OTUD4: variants seen among roughly 807,000 people sequenced by gnomAD.
The protein encoded by OTUD4 is OTU deubiquitinase 4.
A neutral mutation model predicts 130.4 loss-of-function variants in OTUD4; 24 were observed. That is an observed-to-expected ratio of 0.18 (90% CI 0.13 to 0.26). The LOEUF (loss-of-function observed/expected upper bound fraction) is 0.26. OTUD4 is among the 10% of genes least tolerant of loss of function. The pLI is 1.00. For synonymous variants in OTUD4, 420 were observed against 472.5 expected, an observed-to-expected ratio of 0.89 and a Z score of 1.44; for missense variants, 1,031 against 1,329.4, an observed-to-expected ratio of 0.78 and a Z score of 3.49.
chr4:145,178,291 T>C (rs575335041), intron 1 of OTUD4: 1 of 152,314 alleles, frequency 6.6e-6, no homozygotes, highest in African/African-American at 2.4e-5. Flanking sequence ...CAATATAAAC[T>C]AGGACTCAAG....
Position 145,144,009 on chromosome 4 carries a change from A to G in OTUD4, c.1547-8T>C, listed in dbSNP as rs1478748692. On this transcript the variant is annotated splice_region_variant and splice_polypyrimidine_tract_variant and intron_variant, in intron 15 of 20. Transcript: ENST00000447906. ...TATGTCCATGAATAGAGTCTATAGC[A>G]GATCAAGATTAAAAAAGACAGCATA... 6.2e-7 allele frequency: 1 copy of G among 1,607,698 alleles called. No homozygotes were observed. Among genetic ancestry groups the G allele is most frequent in the East Asian group, 2.2e-5 (1 of 44,790 alleles).
At chr4:145,170,151 G>A (rs536085987) in intron 3 of OTUD4, among the ~76,000 whole-genome samples, 2 of 152,192 alleles carry the variant, frequency 1.3e-5, no homozygotes, top group Non-Finnish European at 2.9e-5. Flanking sequence ...CCTGATTCAG[G>A]TATGGAATAG....
Position 145,137,852 on chromosome 4 carries a change from C to A in OTUD4, c.2923G>T (p.Val975Leu), listed in dbSNP as rs1393980227. The A allele has an allele frequency of 3.1e-6, 5 of 1,614,008 alleles. No individual in the cohort carries two copies. Among genetic ancestry groups the A allele is most frequent in the African/African-American group, 1.3e-5 (1 of 74,914 alleles). ...TQILNRERET[V>L]PVELEPKRTI... ...CTTTTAGGTTCAAGTTCAACAGGCA[C>A]AGTTTCTCTCTCTCTGTTTAGAATC... The change falls in exon 21 of 21, where the codon GTG becomes TTG. Residue 975 changes from valine (V) to leucine (L), a missense_variant. Transcript: ENST00000447906.
intron 13 of OTUD4, among the ~76,000 whole-genome samples, chr4:145,149,244 A>T (rs1352457626): frequency 2.0e-5 from 3 of 152,152 alleles, no homozygotes; most frequent in East Asian, 3.9e-4. Flanking sequence ...TGCACCTACA[A>T]GCCAAGGAAC....
chr4:145,141,081 AT>A (rs1253369554), intron 19 of OTUD4, among the ~76,000 whole-genome samples: 3 of 149,872 alleles, frequency 2.0e-5, no homozygotes, highest in African/African-American at 7.4e-5. Flanking sequence ...AAGTGGGAGA[AT>A]TGTTTGAATC....
chr4:145,166,631 G>A (rs1313691088), intron 3 of OTUD4, among the ~76,000 whole-genome samples: 1 of 152,090 alleles, frequency 6.6e-6, no homozygotes, highest in Non-Finnish European at 1.5e-5. Flanking sequence ...CACGAGGTTG[G>A]GAGTTCAAGA....
intron 1 of OTUD4, 25 bp downstream of exon 1, chr4:145,179,790 G>GCC: frequency 8.5e-6 from 6 of 703,084 alleles, no homozygotes; most frequent in South Asian, 5.0e-5. Context: ...TCCCCTCGAA[G>GCC]CCCTCCCCGC....
In OTUD4 at chr4:145,136,476, G is replaced by GGGGGGGGGGGA. The variant is rs3063572; in HGVS notation, c.*953_*954insTCCCCCCCCCC. The GGGGGGGGGGGA allele has an allele frequency of 4.3e-5, 2 of 46,482 alleles. No individual in the cohort carries two copies. Among genetic ancestry groups the GGGGGGGGGGGA allele is most frequent in the African/African-American group, 1.6e-4 (2 of 12,682 alleles). The allele number at this position is 46,482 out of a possible 1,614,324, so 2.9% of individuals were successfully genotyped here. On this transcript the variant is annotated 3_prime_UTR_variant, in exon 21 of 21. Transcript: ENST00000447906. The stretch of plus-strand genomic sequence containing the variant: ...CAACCAATGGTGCGGGGGGGGGGGG[G>GGGGGGGGGGGA]AGGAAGAAAACAACTCTAGAAACCT...
chr4:145,157,615 C>T (rs1220483398), intron 7 of OTUD4, among the ~76,000 whole-genome samples: 3 of 135,446 alleles, frequency 2.2e-5, no homozygotes, highest in African/African-American at 8.3e-5. Context: ...ACCCGCGAGG[C>T]GGAGGTTGCA....
intron 17 of OTUD4, 115 bp downstream of exon 17, chr4:145,143,250 G>A: frequency 1.8e-6 from 1 of 565,414 alleles, no homozygotes; most frequent in Non-Finnish European, 3.1e-6. Context: ...TGTGATGCCA[G>A]AAAAAATTCT....
chr4:145,168,799 A>G (rs1316253008), intron 3 of OTUD4, among the ~76,000 whole-genome samples: 1 of 152,272 alleles, frequency 6.6e-6, no homozygotes, highest in Non-Finnish European at 1.5e-5. Flanking sequence ...GCTCTAAGGT[A>G]TTAATCCAAG....
At chr4:145,155,543 A>C in intron 9 of OTUD4, 26 bp downstream of exon 9, 1 of 1,599,556 alleles carries the variant, frequency 6.3e-7, no homozygotes, top group South Asian at 1.1e-5. Flanking sequence ...AAGCAAATTT[A>C]TGGAAAATGC....
intron 17 of OTUD4, among the ~76,000 whole-genome samples, chr4:145,142,659 TTA>T (rs1750618730): frequency 6.6e-6 from 1 of 152,222 alleles, no homozygotes; most frequent in African/African-American, 2.4e-5. Flanking sequence ...GGTGCTGGAA[TTA>T]CAGGCGTGAG....
At chr4:145,179,102 C>T (rs1191924845) in intron 1 of OTUD4, among the ~76,000 whole-genome samples, 1 of 152,100 alleles carries the variant, frequency 6.6e-6, no homozygotes, top group African/African-American at 2.4e-5. Context: ...TCCTGAGCAA[C>T]TGTGTTAGAA....
intron 5 of OTUD4, among the ~76,000 whole-genome samples, 194 bp downstream of exon 5, chr4:145,163,960 G>C (rs1041299981): frequency 1.3e-5 from 2 of 151,964 alleles, no homozygotes; most frequent in Admixed American, 6.6e-5. Context: ...TGCCTGCCTT[G>C]GCCTCCCAAA....
In OTUD4 at chr4:145,138,048, T is replaced by C; in HGVS notation, c.2727A>G (p.Val909=). 6.2e-7 allele frequency: 1 copy of C among 1,614,228 alleles called. No homozygotes were observed. ...CACCCCTGGCTTCTGGAAACTCATC[T>C]ACTGTTGAAACTGAACCACAATCTT... The part of the protein sequence containing the change: ...LSKDCGSVST[V]DEFPEARGEH... The change falls in exon 21 of 21, where the codon GTA becomes GTG. Residue 909 remains valine, a synonymous_variant. Coordinates refer to ENST00000447906, the MANE Select transcript of OTUD4 (RefSeq NM_001366057.1).
rs1269211428 is a variant in OTUD4 at position 145,148,668 on chromosome 4, ATTTTC to A, written c.1259+1840_1259+1844del. ...ATTAACCATTTAGTAGTCTATGTGT[ATTTTC>A]TTTATTAATCTTTAAATCACTAAAG... On this transcript the variant is annotated intron_variant, in intron 13 of 20. Transcript: ENST00000447906. Among the ~76,000 whole-genome samples, 4 of 152,280 alleles carry A rather than the reference ATTTTC, an allele frequency of 2.6e-5. No homozygotes were observed. In the East Asian group the frequency reaches 7.7e-4, roughly 29 times the overall value.
intron 6 of OTUD4, among the ~76,000 whole-genome samples, chr4:145,160,506 T>C (rs1751503580): frequency 1.3e-5 from 2 of 152,138 alleles, no homozygotes; most frequent in Non-Finnish European, 2.9e-5. Context: ...AAGAAAACAA[T>C]GTACTAAGAA....
In OTUD4 at chr4:145,137,632, C is replaced by G; in HGVS notation, c.3143G>C (p.Gly1048Ala). Residue 1048 changes from glycine (G) to alanine (A), a missense_variant, in exon 21 of 21, where the codon GGA (glycine) becomes GCA (alanine). By Grantham distance (60) the Gly-to-Ala change is moderately conservative (BLOSUM62 0). Around this residue, in one of 3 missense-constraint regions of OTUD4, gnomAD observed 900 missense variants for 1,095.9 expected, o/e 0.82. Coordinates refer to ENST00000447906, the MANE Select transcript of OTUD4 (RefSeq NM_001366057.1). ...RSKQFYNQTY[G>A]SRKYKSDWGY... The stretch of plus-strand genomic sequence containing the variant: ...CCAATCACTTTTGTACTTCCTGCTT[C>G]CATAAGTTTGATTATAGAACTGCTT... 1 of 1,613,628 alleles carries G rather than the reference C, an allele frequency of 6.2e-7. No individual in the cohort carries two copies. Among genetic ancestry groups the G allele is most frequent in the Non-Finnish European group, 8.5e-7 (1 of 1,179,816 alleles).
Sources: allele counts gnomAD v4.1 joint callset (sites outside exome capture counted in the v4.1 genomes callset), GRCh38; gene constraint gnomAD v4.1.1; regional missense constraint gnomAD v4.1.1; transcripts MANE v1.5; gene names NCBI Gene and HGNC (gene_info 2026-07-23, HGNC 2026-07-21).